Variants in LPXN observed in about 807,000 individuals in gnomAD.
LPXN encodes the protein leupaxin.
In LPXN, 28 loss-of-function variants were observed where a neutral mutation model predicts 45.6. The observed-to-expected ratio is 0.61, with a 90% CI of 0.45 to 0.84. LPXN has a LOEUF of 0.84. Ranked by LOEUF, LPXN falls within the 40% of genes least tolerant of loss-of-function variation. The probability of loss-of-function intolerance (pLI) is 0.00; values close to 1 mark genes in which losing one functional copy is unlikely to be tolerated. For synonymous variants in LPXN, 166 were observed against 169.9 expected (o/e 0.98, Z 0.18); for missense variants, 459 against 475.0 (o/e 0.97, Z 0.31).
Position 58,527,442 on chromosome 11 carries a change from G to C in LPXN, c.*12C>G. ...TTATAAGGAATCTGAAGAGGCTATG[G>C]ATCAGTTGGCATTACAGTGGGAAGA... On this transcript the variant is annotated 3_prime_UTR_variant, in exon 9 of 9. Transcript: ENST00000395074. The C allele has an allele frequency of 1.9e-6, 3 of 1,613,804 alleles. No homozygotes were observed. The highest frequency in any genetic ancestry group is 2.5e-6 in the Non-Finnish European group (3 of 1,179,726).
At position 58,564,183 on chromosome 11, in the gene LPXN, T is replaced by C. The variant is rs749529363; in HGVS notation, c.190A>G (p.Thr64Ala). The change falls in exon 3 of 9, where the codon ACC becomes GCC. Residue 64 changes from threonine (T) to alanine (A), a missense_variant. Transcript: ENST00000395074. ...TAGACATTGAGCTCCTGGATATTGG[T>C]AGTATACACGAGCTGCGCCTAAGAT... The part of the protein sequence containing the change: ...SPLPAQLVYT[T>A]NIQELNVYSE... 2 of 1,604,190 alleles carry C rather than the reference T, an allele frequency of 1.2e-6. No individual in the cohort carries two copies. Among genetic ancestry groups the C allele is most frequent in the Non-Finnish European group, 1.7e-6 (2 of 1,174,668 alleles).
chr11:58,565,831 A>G (rs1369649648), intron 2 of LPXN, among the ~76,000 whole-genome samples: 3 of 151,984 alleles, frequency 2.0e-5, no homozygotes, highest in Non-Finnish European at 4.4e-5. Flanking sequence ...CCCTGTCTCT[A>G]CTAAAAATAC....
At chr11:58,564,861 G>A in intron 2 of LPXN, among the ~76,000 whole-genome samples, 1 of 152,190 alleles carries the variant, frequency 6.6e-6, no homozygotes, top group East Asian at 1.9e-4. Flanking sequence ...ACTGAGAAGA[G>A]AACGCTTGAG....
At chr11:58,575,887 AC>A (rs1854873994), upstream of LPXN, 5 of 1,588,772 alleles carry the variant, frequency 3.1e-6, no homozygotes, top group African/African-American at 2.7e-5. Flanking sequence ...GCCTCTATAA[AC>A]CTTTTTGGTT....
At chr11:58,573,009 G>C (rs185384099) in intron 1 of LPXN, among the ~76,000 whole-genome samples, 26 of 152,276 alleles carry the variant, frequency 1.7e-4, no homozygotes, top group African/African-American at 6.0e-4. Context: ...ACTTTGAGAG[G>C]CCGAGGCGGG....
chr11:58,578,097 C>G (rs1448667038), upstream of LPXN: 1 of 1,541,574 alleles, frequency 6.5e-7, no homozygotes, highest in Non-Finnish European at 8.8e-7. Context: ...CAAACCAAGG[C>G]AAGTCTGGGC....
intron 7 of LPXN, among the ~76,000 whole-genome samples, chr11:58,530,128 G>C (rs1449833799): frequency 6.6e-6 from 1 of 152,186 alleles, no homozygotes; most frequent in Non-Finnish European, 1.5e-5. Context: ...CAAACACTGA[G>C]CTAGCTTTAG....
At chr11:58,574,421 G>A (rs947947317) in intron 1 of LPXN, among the ~76,000 whole-genome samples, 17 of 152,264 alleles carry the variant, frequency 1.1e-4, no homozygotes, top group African/African-American at 4.1e-4. Flanking sequence ...TGAAAAAGAA[G>A]TGGATAACAC....
chr11:58,550,030 G>T lies in LPXN; in HGVS notation c.603C>A (p.Asn201Lys). The T allele has an allele frequency of 6.2e-7, 1 of 1,614,240 alleles. No individual in the cohort carries two copies. The highest frequency in any genetic ancestry group is 8.5e-7 in the Non-Finnish European group (1 of 1,180,038). Reference protein sequence around the residue: ...FERSGLAYCPNDYHQLFSPRC... With the variant: ...FERSGLAYCPKDYHQLFSPRC... ...GTGGAGAAAAAAGTTGGTGGTAGTC[G>T]TTGGGGCAGTAGGCCAAGCCACTCC... is the stretch of plus-strand genomic sequence containing the variant. The change falls in exon 6 of 9, where the codon AAC (asparagine) becomes AAA (lysine). Residue 201 changes from asparagine to lysine, a missense_variant. By Grantham distance (94) the Asn-to-Lys change is moderately conservative. Coordinates refer to ENST00000395074, the MANE Select transcript of LPXN (RefSeq NM_004811.3).
intron 4 of LPXN, 110 bp downstream of exon 4, chr11:58,554,731 G>A: frequency 1.4e-6 from 1 of 705,414 alleles, no homozygotes; most frequent in Non-Finnish European, 2.3e-6. Context: ...ATTCCTAAGT[G>A]GGAGAATGGA....
chr11:58,535,781 A>T (rs182683383), intron 7 of LPXN, among the ~76,000 whole-genome samples: 49 of 152,340 alleles, frequency 3.2e-4, no homozygotes, highest in African/African-American at 1.2e-3. Flanking sequence ...CCATCATCTC[A>T]ACCCAAAATC....
At chr11:58,578,807 C>T (rs951041861), upstream of LPXN, among the ~76,000 whole-genome samples, 4 of 151,908 alleles carry the variant, frequency 2.6e-5, no homozygotes, top group Admixed American at 2.6e-4. Flanking sequence ...CGAGACCTGC[C>T]CCTCGCACTG....
intron 1 of LPXN, among the ~76,000 whole-genome samples, chr11:58,571,342 AAAATAAAT>A (rs59215664): frequency 0.062 from 9,128 of 147,042 alleles, 719 homozygotes; most frequent in African/African-American, 0.18. Context: ...CCTGTCTCAA[AAAATAAAT>A]AAATAAATAA....
chr11:58,535,191 T>C (rs1437831435), intron 7 of LPXN, among the ~76,000 whole-genome samples: 1 of 152,180 alleles, frequency 6.6e-6, no homozygotes, highest in Non-Finnish European at 1.5e-5. Context: ...ATCATGCTAA[T>C]ACCAAAACAC....
At chr11:58,529,340 G>A (rs1853317112) in intron 7 of LPXN, among the ~76,000 whole-genome samples, 1 of 152,134 alleles carries the variant, frequency 6.6e-6, no homozygotes, top group African/African-American at 2.4e-5. Context: ...GCCGGGCACG[G>A]TGGCTTGCAC....
At chr11:58,565,102 A>G (rs992107439) in intron 2 of LPXN, among the ~76,000 whole-genome samples, 1 of 152,216 alleles carries the variant, frequency 6.6e-6, no homozygotes, top group Non-Finnish European at 1.5e-5. Context: ...TTAGAAAGAA[A>G]ATGGGTTCCA....
In LPXN at chr11:58,549,994, G is replaced by C; in HGVS notation, c.639C>G (p.Tyr213Ter). 1.8e-5 allele frequency: 29 copies of C among 1,614,250 alleles called. No homozygotes were observed. Among genetic ancestry groups the C allele is most frequent in the Non-Finnish European group, 2.3e-5 (27 of 1,180,046 alleles). Residue 213 changes from tyrosine (Y) to a stop codon, truncating the protein, a stop_gained, in exon 6 of 9, where the codon TAC becomes TAG. Coordinates refer to ENST00000395074, the MANE Select transcript of LPXN (RefSeq NM_004811.3). LOFTEE classifies it high-confidence loss of function. ...YHQLFSPRCA[Y>*]CAAPILDKVL... is the part of the protein sequence containing the mutation. ...TTACATCCAGGATGGGAGCAGCGCAGTAAGCACAGCGTGGAGAAAAAAGTT... is the reference window on the plus strand; with the variant it reads ...TTACATCCAGGATGGGAGCAGCGCACTAAGCACAGCGTGGAGAAAAAAGTT...
intron 1 of LPXN, among the ~76,000 whole-genome samples, chr11:58,572,831 GAAGT>G (rs1854749776): frequency 6.6e-6 from 1 of 152,160 alleles, no homozygotes; most frequent in African/African-American, 2.4e-5. Flanking sequence ...GCATATATAT[GAAGT>G]AAGACTGATG....
At chr11:58,536,417 C>A (rs1853556584) in intron 7 of LPXN, among the ~76,000 whole-genome samples, 1 of 152,158 alleles carries the variant, frequency 6.6e-6, no homozygotes, top group Non-Finnish European at 1.5e-5. Flanking sequence ...GAAAGGATTC[C>A]CTATTTAATA....
Sources: gnomAD v4.1 joint callset for allele counts (sites outside exome capture counted in the v4.1 genomes callset) on GRCh38, gnomAD v4.1.1 for gene constraint, MANE v1.5 for transcripts, NCBI Gene and HGNC (gene_info 2026-07-23, HGNC 2026-07-21) for gene names.